Variants in CDKN2B observed in about 807,000 individuals in gnomAD.
The protein encoded by CDKN2B is cyclin dependent kinase inhibitor 2B, also known as cyclin-dependent kinase 4 inhibitor B.
CDKN2B carries 8 observed loss-of-function variants against 7.7 expected under a neutral mutation model. The ratio of observed to expected loss-of-function variants is 1.04; its 90% CI spans 0.61 to 1.87. CDKN2B has a LOEUF of 1.87. Among genes scored for constraint, CDKN2B ranks in the 40% most tolerant of loss-of-function variants. CDKN2B has a pLI of 0.00. For synonymous variants in CDKN2B, 93 were observed against 95.8 expected (o/e 0.97, Z 0.17); for missense variants, 244 against 213.1 (o/e 1.15, Z -0.90).
In CDKN2B at chr9:22,006,552, T is replaced by G. The variant is rs778954356; in HGVS notation, c.157-305A>C. The stretch of plus-strand genomic sequence containing the variant: ...ATGGAAAAACAAATCTTGATTTCCA[T>G]TGGAACATGGGAATCTATTTTGTTA... On this transcript the variant is annotated intron_variant, in intron 1 of 1. Transcript: ENST00000276925. This position sits in a 1 kb window ranked among gnomAD's most constrained non-coding sequence, Gnocchi z 6.4. Among the ~76,000 whole-genome samples, 2 of 152,236 alleles carry G rather than the reference T, an allele frequency of 1.3e-5. No individual in the cohort carries two copies. Among genetic ancestry groups the G allele is most frequent in the Non-Finnish European group, 2.9e-5 (2 of 68,038 alleles).
rs1821101498 is a variant in CDKN2B, at chr9:22,005,114, G to GTGTA, written c.*872_*873insTACA. On this transcript the variant is annotated 3_prime_UTR_variant, in exon 2 of 2. Transcript: ENST00000276925. This position sits in a 1 kb window ranked among gnomAD's most constrained non-coding sequence, Gnocchi z 4.9. ...TAAGGGGATTTCCGCATCCTAGCAT[G>GTGTA]TGTGTGTGTGTGTGTGTGTGTGTGT... 5.8e-6 allele frequency: 1 copy of GTGTA among 172,300 alleles called. No homozygotes were observed. Among genetic ancestry groups the GTGTA allele is most frequent in the Non-Finnish European group, 1.2e-5 (1 of 83,054 alleles). 10.7% of individuals were successfully genotyped at this position (172,300 alleles called of 1,614,324 possible).
In CDKN2B at chr9:22,003,464, T is replaced by A. The variant is rs1821016375; in HGVS notation, c.*2523A>T. The A allele has an allele frequency of 1.3e-5, 3 of 227,940 alleles. No individual in the cohort carries two copies. In the South Asian group the frequency reaches 5.5e-4, roughly 42 times the overall value. 14.1% of individuals were successfully genotyped at this position (227,940 alleles called of 1,614,324 possible). On this transcript the variant is annotated 3_prime_UTR_variant, in exon 2 of 2. Transcript: ENST00000276925. ...AGGGATAATTTTTCATGACCCAGTA[T>A]AATGCAACTAGCAAATTTAAACATC...
rs747033447 is a variant in CDKN2B, at chr9:22,005,969, C to T, written c.*18G>A. The T allele has an allele frequency of 9.4e-6, 15 of 1,598,872 alleles. No individual in the cohort carries two copies. The highest frequency in any genetic ancestry group is 4.0e-5 in the African/African-American group (3 of 74,892). On this transcript the variant is annotated 3_prime_UTR_variant, in exon 2 of 2. Transcript: ENST00000276925. The surrounding 1 kb of genome is among the most constrained non-coding windows in gnomAD (Gnocchi z 4.9). ...GGTAAGAAAATAAAGTCGTTGTGGG[C>T]GGCTGGGGAACCTGGCGTCAGTCCC...
chr9:22,008,704 C>A (rs778422657), intron 1 of CDKN2B, 94 bp downstream of exon 1: 1 of 1,611,440 alleles, frequency 6.2e-7, no homozygotes, highest in Non-Finnish European at 8.5e-7. Context: ...CTGTACAAAT[C>A]TACATCGGCG....
chr9:22,005,599 C>T lies in CDKN2B; in HGVS notation c.*388G>A, dbSNP rs1243482385. 2.3e-6 allele frequency: 1 copy of T among 432,070 alleles called. No homozygotes were observed. Among genetic ancestry groups the T allele is most frequent in the Non-Finnish European group, 4.3e-6 (1 of 232,014 alleles). The allele number at this position is 432,070 out of a possible 1,614,324, so 26.8% of individuals were successfully genotyped here. On this transcript the variant is annotated 3_prime_UTR_variant, in exon 2 of 2. Transcript: ENST00000276925. This position sits in a 1 kb window ranked among gnomAD's most constrained non-coding sequence, Gnocchi z 4.9. The stretch of plus-strand genomic sequence containing the variant: ...GCCGTCACCCAAGTGCTAATCACTG[C>T]CTTCTCCCACTCAGCGCTGGAGTGG...
In CDKN2B at chr9:22,003,572, T is replaced by C. The variant is rs1304252092; in HGVS notation, c.*2415A>G. ...TTAAAGTATCAACTGACTTCTTTTA[T>C]ATAGAATGTTTTCTAATAATTGTAA... On this transcript the variant is annotated 3_prime_UTR_variant, in exon 2 of 2. Coordinates refer to ENST00000276925, the MANE Select transcript of CDKN2B (RefSeq NM_004936.4). 8.7e-6 allele frequency: 2 copies of C among 229,238 alleles called. No homozygotes were observed. The highest frequency in any genetic ancestry group is 4.4e-5 in the African/African-American group (2 of 45,174). The allele number at this position is 229,238 out of a possible 1,614,324, so 14.2% of individuals were successfully genotyped here. A position where few individuals can be genotyped will look rare whatever the true frequency, so the allele number is the denominator to read the frequency against.
At position 22,005,061 on chromosome 9, in the gene CDKN2B, TA is replaced by T; in HGVS notation, c.*925del. On this transcript the variant is annotated 3_prime_UTR_variant, in exon 2 of 2. Transcript: ENST00000276925. This position sits in a 1 kb window ranked among gnomAD's most constrained non-coding sequence, Gnocchi z 4.9. ...TGCTGAACAACTAAAAAGTACAAAA[TA>T]TCACAAAATCAAAAAGTAGCAAGTC... The T allele has an allele frequency of 4.3e-6, 1 of 233,092 alleles. No homozygotes were observed. Among genetic ancestry groups the T allele is most frequent in the East Asian group, 6.0e-5 (1 of 16,572 alleles). The allele number at this position is 233,092 out of a possible 1,614,324, so 14.4% of individuals were successfully genotyped here. A position where few individuals can be genotyped will look rare whatever the true frequency, so the allele number is the denominator to read the frequency against.
Position 22,006,391 on chromosome 9 carries a change from C to G in CDKN2B, c.157-144G>C, listed in dbSNP as rs1821191783. The G allele has an allele frequency of 5.3e-6, 6 of 1,126,920 alleles. No individual in the cohort carries two copies. The South Asian group carries it at 8.2e-5, about 15-fold the overall frequency. The allele number at this position is 1,126,920 out of a possible 1,614,324, so 69.8% of individuals were successfully genotyped here. A position where few individuals can be genotyped will look rare whatever the true frequency, so the allele number is the denominator to read the frequency against. ...GCAGAGGTGTTCAGGTCTCTGATGT[C>G]TGGTGTTTCTTCATTTGCTGATGCA... On this transcript the variant is annotated intron_variant, in intron 1 of 1. Coordinates refer to ENST00000276925, the MANE Select transcript of CDKN2B (RefSeq NM_004936.4). This position sits in a 1 kb window ranked among gnomAD's most constrained non-coding sequence, Gnocchi z 6.4.
In CDKN2B at chr9:22,005,957, A is replaced by G; in HGVS notation, c.*30T>C. On this transcript the variant is annotated 3_prime_UTR_variant, in exon 2 of 2. Coordinates refer to ENST00000276925, the MANE Select transcript of CDKN2B (RefSeq NM_004936.4). This position sits in a 1 kb window ranked among gnomAD's most constrained non-coding sequence, Gnocchi z 4.9. ...GGTGGGAAATTGGGTAAGAAAATAA[A>G]GTCGTTGTGGGCGGCTGGGGAACCT... 1 of 1,598,444 alleles carries G rather than the reference A, an allele frequency of 6.3e-7. No individual in the cohort carries two copies. Among genetic ancestry groups the G allele is most frequent in the Non-Finnish European group, 8.5e-7 (1 of 1,179,536 alleles).
rs1269420052 is a variant in CDKN2B, at chr9:22,009,082, C to T, written c.-129G>A. The T allele has an allele frequency of 7.9e-6, 11 of 1,388,518 alleles. No homozygotes were observed. The highest frequency in any genetic ancestry group is 1.2e-5 in the South Asian group (1 of 82,268). The allele number at this position is 1,388,518 out of a possible 1,614,324, so 86.0% of individuals were successfully genotyped here. On this transcript the variant is annotated 5_prime_UTR_variant, in exon 1 of 2. It removes an upstream start codon present in the reference 5' UTR. Transcript: ENST00000276925. Reference sequence around the variant, plus strand: ...TTCCTAGGAGACCTGGGCTCAGCTTCATTACCCTCCCGTCGTCCTTCTGCG... The same window carrying T: ...TTCCTAGGAGACCTGGGCTCAGCTTTATTACCCTCCCGTCGTCCTTCTGCG...
rs567609105 is a variant in CDKN2B at position 22,006,302 on chromosome 9, C to T, written c.157-55G>A. ...AGGGTGGGGGCAGGTATGGGAGATGCCGGCCGGGGCAAGGCAGGTGGAGCC... is the reference window on the plus strand; with the variant it reads ...AGGGTGGGGGCAGGTATGGGAGATGTCGGCCGGGGCAAGGCAGGTGGAGCC... On this transcript the variant is annotated intron_variant, in intron 1 of 1. Coordinates refer to ENST00000276925, the MANE Select transcript of CDKN2B (RefSeq NM_004936.4). The surrounding 1 kb of genome is among the most constrained non-coding windows in gnomAD (Gnocchi z 6.4). The T allele has an allele frequency of 6.3e-7, 1 of 1,596,648 alleles. No individual in the cohort carries two copies. Among genetic ancestry groups the T allele is most frequent in the Non-Finnish European group, 8.5e-7 (1 of 1,178,564 alleles).
In CDKN2B at chr9:22,008,886, G is replaced by T; in HGVS notation, c.68C>A (p.Ala23Glu). 6.2e-7 allele frequency: 1 copy of T among 1,612,524 alleles called. No homozygotes were observed. The part of the protein sequence containing the change: ...GSDEGLASAA[A>E]RGLVEKVRQL... ...TCGCACCTTCTCCACTAGTCCCCGC[G>T]CCGCGGCGCTGGCCAGACCCTCATC... The change falls in exon 1 of 2, where the codon GCG becomes GAG. Residue 23 changes from alanine to glutamate, a missense_variant. Coordinates refer to ENST00000276925, the MANE Select transcript of CDKN2B (RefSeq NM_004936.4).
chr9:22,009,066 G>A lies in CDKN2B; in HGVS notation c.-113C>T. 1.3e-6 allele frequency: 2 copies of A among 1,511,694 alleles called. No homozygotes were observed. Among genetic ancestry groups the A allele is most frequent in the Non-Finnish European group, 1.8e-6 (2 of 1,094,300 alleles). 93.6% of individuals were successfully genotyped at this position (1,511,694 alleles called of 1,614,324 possible). A position where few individuals can be genotyped will look rare whatever the true frequency, so the allele number is the denominator to read the frequency against. The stretch of plus-strand genomic sequence containing the variant: ...CCGGCGCACTCTCTCCTTCCTAGGA[G>A]ACCTGGGCTCAGCTTCATTACCCTC... On this transcript the variant is annotated 5_prime_UTR_variant, in exon 1 of 2. Coordinates refer to ENST00000276925, the MANE Select transcript of CDKN2B (RefSeq NM_004936.4).
rs1042844281 is a variant in CDKN2B, at chr9:22,005,876, C to T, written c.*111G>A. The T allele has an allele frequency of 2.0e-5, 29 of 1,421,980 alleles. No homozygotes were observed. The highest frequency in any genetic ancestry group is 2.4e-5 in the Non-Finnish European group (25 of 1,044,640). 88.1% of individuals were successfully genotyped at this position (1,421,980 alleles called of 1,614,324 possible). ...TGTGAGTCTCAGACAGGCTTGCAGG[C>T]TTACAGGCTTTCCGCCGCTCCCCGT... On this transcript the variant is annotated 3_prime_UTR_variant, in exon 2 of 2. Transcript: ENST00000276925. This position sits in a 1 kb window ranked among gnomAD's most constrained non-coding sequence, Gnocchi z 4.9.
Position 22,005,019 on chromosome 9 carries a change from C to A in CDKN2B, c.*968G>T. On this transcript the variant is annotated 3_prime_UTR_variant, in exon 2 of 2. Coordinates refer to ENST00000276925, the MANE Select transcript of CDKN2B (RefSeq NM_004936.4). This position sits in a 1 kb window ranked among gnomAD's most constrained non-coding sequence, Gnocchi z 4.9. ...ACTAGTTATGTTACTTAAAATCTCC[C>A]CATTAAATAAGACAGTTGCTGAACA... The A allele has an allele frequency of 4.3e-6, 1 of 233,188 alleles. No homozygotes were observed. The highest frequency in any genetic ancestry group is 8.5e-6 in the Non-Finnish European group (1 of 118,056). The allele number at this position is 233,188 out of a possible 1,614,324, so 14.4% of individuals were successfully genotyped here.
Position 22,005,699 on chromosome 9 carries a change from C to T in CDKN2B, c.*288G>A. 1 of 543,902 alleles carries T rather than the reference C, an allele frequency of 1.8e-6. No homozygotes were observed. Among genetic ancestry groups the T allele is most frequent in the South Asian group, 2.1e-5 (1 of 48,012 alleles). The allele number at this position is 543,902 out of a possible 1,614,324, so 33.7% of individuals were successfully genotyped here. On this transcript the variant is annotated 3_prime_UTR_variant, in exon 2 of 2. Transcript: ENST00000276925. This position sits in a 1 kb window ranked among gnomAD's most constrained non-coding sequence, Gnocchi z 4.9. ...TCATATGCACTTTCCCTCAGAAAAC[C>T]CTGAAAAGCAAACGACCCCTGGAAT...
rs1444920625 is a variant in CDKN2B at position 22,005,864 on chromosome 9, C to CTTGT, written c.*122_*123insACAA. The CTTGT allele has an allele frequency of 2.3e-6, 3 of 1,329,996 alleles. No homozygotes were observed. The highest frequency in any genetic ancestry group is 3.1e-6 in the Non-Finnish European group (3 of 963,186). 82.4% of individuals were successfully genotyped at this position (1,329,996 alleles called of 1,614,324 possible). A position where few individuals can be genotyped will look rare whatever the true frequency, so the allele number is the denominator to read the frequency against. On this transcript the variant is annotated 3_prime_UTR_variant, in exon 2 of 2. Transcript: ENST00000276925. This position sits in a 1 kb window ranked among gnomAD's most constrained non-coding sequence, Gnocchi z 4.9. ...GCTCCTCCTTCCTGTGAGTCTCAGA[C>CTTGT]AGGCTTGCAGGCTTACAGGCTTTCC...
In CDKN2B at chr9:22,009,218, G is replaced by A. The variant is rs1821366306; in HGVS notation, c.-265C>T. 1 of 590,808 alleles carries A rather than the reference G, an allele frequency of 1.7e-6. No individual in the cohort carries two copies. Among genetic ancestry groups the A allele is most frequent in the East Asian group, 2.9e-5 (1 of 34,396 alleles). 36.6% of individuals were successfully genotyped at this position (590,808 alleles called of 1,614,324 possible). On this transcript the variant is annotated 5_prime_UTR_variant, in exon 1 of 2. Coordinates refer to ENST00000276925, the MANE Select transcript of CDKN2B (RefSeq NM_004936.4). ...TTGCTTCTGGGAAAAAGCGCCTAGC[G>A]CGGACGCAGCCGAGCTCAAAGCCGC... is the stretch of plus-strand genomic sequence containing the variant.
chr9:22,009,179 C>G lies in CDKN2B; in HGVS notation c.-226G>C, dbSNP rs899207319. On this transcript the variant is annotated 5_prime_UTR_variant, in exon 1 of 2. Coordinates refer to ENST00000276925, the MANE Select transcript of CDKN2B (RefSeq NM_004936.4). Reference sequence around the variant, plus strand: ...GCTTTTCCTGGCGCTCAAGAACCAGCGGGCGCGCCTGGATTGCTTCTGGGA... The same window carrying G: ...GCTTTTCCTGGCGCTCAAGAACCAGGGGGCGCGCCTGGATTGCTTCTGGGA... The G allele has an allele frequency of 9.3e-6, 6 of 647,576 alleles. No homozygotes were observed. The highest frequency in any genetic ancestry group is 9.2e-5 in the African/African-American group (5 of 54,380). 40.1% of individuals were successfully genotyped at this position (647,576 alleles called of 1,614,324 possible).
Sources: allele counts gnomAD v4.1 joint callset (sites outside exome capture counted in the v4.1 genomes callset), GRCh38; gene constraint gnomAD v4.1.1; non-coding constraint Gnocchi (gnomAD v3.1); transcripts MANE v1.5; gene names NCBI Gene and HGNC (gene_info 2026-07-23, HGNC 2026-07-21).